Variants in AKAP19 observed in about 807,000 individuals in gnomAD.
AKAP19 encodes A-kinase anchoring protein 19.
the AKAP19 span, chr2:189,917,531 A>C: frequency 3.4e-5 from 20 of 584,038 alleles, no homozygotes; most frequent in Non-Finnish European, 6.1e-5. Context: ...TCTTTTTTGC[A>C]CTTTGAAGAG....
chr2:190,011,812 C>T, the AKAP19 span, among the ~76,000 whole-genome samples: 1 of 152,106 alleles, frequency 6.6e-6, no homozygotes, highest in Admixed American at 6.5e-5. Context: ...ATGCCAGTAC[C>T]ATGCTGTTTT....
At chr2:189,887,948 C>G in the AKAP19 span, among the ~76,000 whole-genome samples, 2 of 152,124 alleles carry the variant, frequency 1.3e-5, no homozygotes, top group African/African-American at 4.8e-5. Flanking sequence ...CCTGCAGAAG[C>G]TCTTTAGTTT....
the AKAP19 span, among the ~76,000 whole-genome samples, chr2:190,174,188 G>A: frequency 5.6e-3 from 857 of 152,270 alleles, 11 homozygotes; most frequent in African/African-American, 0.019. Flanking sequence ...TTCCCCCACC[G>A]TGTCTGGTGT....
At chr2:189,936,985 T>C in the AKAP19 span, among the ~76,000 whole-genome samples, 1 of 151,652 alleles carries the variant, frequency 6.6e-6, no homozygotes, top group Admixed American at 6.6e-5. Context: ...AATAAAAAAA[T>C]GTATGTGGGC....
chr2:190,058,607 G>A, the AKAP19 span, among the ~76,000 whole-genome samples: 1 of 151,802 alleles, frequency 6.6e-6, no homozygotes, highest in African/African-American at 2.4e-5. Context: ...ACCAGCCTAA[G>A]TGCCCATCAG....
the AKAP19 span, chr2:190,180,837 C>G: frequency 4.1e-6 from 4 of 985,250 alleles, no homozygotes; most frequent in Non-Finnish European, 4.8e-6. The surrounding 1 kb of genome is among the most constrained non-coding windows in gnomAD (Gnocchi z 6.8). Flanking sequence ...GGAGCCCGGG[C>G]GCCGCCGAAG....
At chr2:189,983,604 G>C in the AKAP19 span, among the ~76,000 whole-genome samples, 1 of 152,224 alleles carries the variant, frequency 6.6e-6, no homozygotes, top group Non-Finnish European at 1.5e-5. Flanking sequence ...CCACTTCAAT[G>C]ATTGGTGCTG....
the AKAP19 span, among the ~76,000 whole-genome samples, chr2:190,096,616 C>G: frequency 1.3e-5 from 2 of 152,184 alleles, no homozygotes; most frequent in Admixed American, 6.5e-5. Context: ...TGACTCTGCT[C>G]TCATATTGCT....
the AKAP19 span, chr2:190,200,059 C>CACA: frequency 6.2e-7 from 1 of 1,614,076 alleles, no homozygotes; most frequent in South Asian, 1.1e-5. Flanking sequence ...CCGCCTGTCT[C>CACA]AGGATATCTT....
the AKAP19 span, among the ~76,000 whole-genome samples, chr2:189,966,761 G>T: frequency 2.0e-5 from 3 of 152,270 alleles, no homozygotes; most frequent in African/African-American, 7.2e-5. Context: ...CCATGATTTT[G>T]CAAGACAGTT....
the AKAP19 span, among the ~76,000 whole-genome samples, chr2:190,152,162 A>G: frequency 6.6e-6 from 1 of 152,182 alleles, no homozygotes; most frequent in East Asian, 1.9e-4. Context: ...CATCACTACA[A>G]AAAATTAAAA....
chr2:190,195,417 C>T, the AKAP19 span, among the ~76,000 whole-genome samples: 41 of 152,314 alleles, frequency 2.7e-4, no homozygotes, highest in African/African-American at 8.7e-4. Context: ...CCAAGGTAAC[C>T]GTACCATTTT....
chr2:190,059,777 G>A, the AKAP19 span, among the ~76,000 whole-genome samples: 3 of 151,798 alleles, frequency 2.0e-5, no homozygotes, highest in South Asian at 4.2e-4. Context: ...TTAATGAAAA[G>A]CACTTTATAT....
chr2:190,095,839 C>T, the AKAP19 span, among the ~76,000 whole-genome samples: 3 of 152,118 alleles, frequency 2.0e-5, no homozygotes, highest in Non-Finnish European at 4.4e-5. Flanking sequence ...TGTAAGGCTG[C>T]TGTCTTCACA....
the AKAP19 span, among the ~76,000 whole-genome samples, chr2:189,929,556 CTT>C: frequency 4.0e-3 from 605 of 150,312 alleles, 4 homozygotes; most frequent in Middle Eastern, 0.01. Flanking sequence ...TTTATTGACA[CTT>C]TTTTTTTTTA....
chr2:189,936,199 A>T, the AKAP19 span, among the ~76,000 whole-genome samples: 1 of 152,138 alleles, frequency 6.6e-6, no homozygotes, highest in East Asian at 1.9e-4. Flanking sequence ...GGTTTGTTTT[A>T]GATGCCAATA....
chr2:190,009,917 T>C, the AKAP19 span, among the ~76,000 whole-genome samples: 1 of 150,014 alleles, frequency 6.7e-6, no homozygotes, highest in East Asian at 1.9e-4. Flanking sequence ...GTGAATAAAA[T>C]GTTTCATGGA....
the AKAP19 span, chr2:189,917,241 T>G: frequency 1.7e-6 from 2 of 1,198,340 alleles, no homozygotes; most frequent in Admixed American, 4.9e-5. Flanking sequence ...TTCATCAAGC[T>G]TTTACAAACA....
chr2:190,033,954 G>A, the AKAP19 span, among the ~76,000 whole-genome samples: 2 of 152,086 alleles, frequency 1.3e-5, no homozygotes, highest in African/African-American at 4.8e-5. Flanking sequence ...ACACTTAGCA[G>A]TCATGTTGTG....
Sources: gnomAD v4.1 joint callset for allele counts (sites outside exome capture counted in the v4.1 genomes callset) on GRCh38, gnomAD v4.1.1 for gene constraint, Gnocchi (gnomAD v3.1) non-coding constraint, MANE v1.5 for transcripts, NCBI Gene and HGNC (gene_info 2026-07-23, HGNC 2026-07-21) for gene names.